Variants in SLC25A26 observed in about 807,000 individuals in gnomAD.
SLC25A26 encodes mitochondrial S-adenosylmethionine carrier protein.
Under a neutral mutation model 37.8 loss-of-function variants are expected in SLC25A26, and 36 were observed. The ratio of observed to expected loss-of-function variants is 0.95; its 90% CI spans 0.73 to 1.26. The LOEUF (loss-of-function observed/expected upper bound fraction) is 1.26. SLC25A26 is among the 50% of genes most tolerant of loss of function. The probability of loss-of-function intolerance (pLI) is 0.00; values close to 1 mark genes in which losing one functional copy is unlikely to be tolerated. For synonymous variants in SLC25A26, 129 were observed against 122.5 expected (o/e 1.05, Z -0.35); for missense variants, 390 against 331.1 (o/e 1.18, Z -1.38).
chr3:66,263,846 G>A (rs947315299), intron 5 of SLC25A26, among the ~76,000 whole-genome samples: 2 of 152,212 alleles, frequency 1.3e-5, no homozygotes, highest in Admixed American at 1.3e-4. Context: ...TTTTAGTAGA[G>A]ATGGGGTTTC....
At chr3:66,375,636 C>G (rs534794218) in intron 9 of SLC25A26, among the ~76,000 whole-genome samples, 3 of 152,276 alleles carry the variant, frequency 2.0e-5, no homozygotes, top group South Asian at 2.1e-4. Context: ...CAGCACATCT[C>G]TTTACAGCAT....
At chr3:66,290,980 C>A (rs935601039) in intron 5 of SLC25A26, among the ~76,000 whole-genome samples, 4 of 152,180 alleles carry the variant, frequency 2.6e-5, no homozygotes, top group African/African-American at 9.7e-5. Context: ...TAATTACTTC[C>A]TCAATTTCAG....
At chr3:66,327,302 A>G (rs2075862304) in intron 5 of SLC25A26, among the ~76,000 whole-genome samples, 1 of 152,214 alleles carries the variant, frequency 6.6e-6, no homozygotes, top group South Asian at 2.1e-4. Context: ...TTTAATATTC[A>G]AAATAATGTT....
Position 66,370,570 on chromosome 3 carries a change from G to A in SLC25A26, c.675G>A (p.Leu225=), listed in dbSNP as rs1288434202. ...CTGATGGGAATGTGCTCTCTGTCCT[G>A]CATGGGGTCTGGCGGTCACAGGGGC... ...STADGNVLSV[L]HGVWRSQGLA... The change falls in exon 9 of 10, where the codon CTG becomes CTA. Residue 225 remains leucine, a synonymous_variant. Coordinates refer to ENST00000354883, the MANE Select transcript of SLC25A26 (RefSeq NM_001379210.1). The A allele has an allele frequency of 1.2e-6, 2 of 1,613,930 alleles. No individual in the cohort carries two copies. Among genetic ancestry groups the A allele is most frequent in the African/African-American group, 1.3e-5 (1 of 75,062 alleles).
rs550113119 is a variant in SLC25A26, at chr3:66,378,661, A to C, written c.*854A>C. ...GAAAAATTCAAAACAAAATGTCAGG[A>C]ATCTAGCAGTGTTGTCTGCCCTGGA... On this transcript the variant is annotated 3_prime_UTR_variant, in exon 10 of 10. Coordinates refer to ENST00000354883, the MANE Select transcript of SLC25A26 (RefSeq NM_001379210.1). The C allele has an allele frequency of 6.6e-5, 10 of 152,594 alleles. No individual in the cohort carries two copies. The East Asian group carries it at 1.9e-3, about 29-fold the overall frequency. 9.5% of individuals were successfully genotyped at this position (152,594 alleles called of 1,614,324 possible).
intron 1 of SLC25A26, among the ~76,000 whole-genome samples, chr3:66,170,803 T>TG (rs2070485970): frequency 7.8e-6 from 1 of 127,528 alleles, no homozygotes; most frequent in Non-Finnish European, 1.7e-5. Flanking sequence ...TTTTTTTTTT[T>TG]TTTTTTTTTT....
chr3:66,286,340 A>G (rs2074511636), intron 5 of SLC25A26, among the ~76,000 whole-genome samples: 1 of 152,162 alleles, frequency 6.6e-6, no homozygotes, highest in South Asian at 2.1e-4. Context: ...TTACATTTAC[A>G]TCTATAATCC....
intron 7 of SLC25A26, 139 bp from the exon 8 acceptor site, chr3:66,369,339 G>A (rs551727367): frequency 1.3e-5 from 9 of 681,360 alleles, no homozygotes; most frequent in Middle Eastern, 2.6e-4. Flanking sequence ...GATAAAGATT[G>A]TGCATGTGTG....
At chr3:66,300,002 C>T (rs1049214524) in intron 5 of SLC25A26, among the ~76,000 whole-genome samples, 22 of 152,114 alleles carry the variant, frequency 1.4e-4, no homozygotes, top group African/African-American at 3.6e-4. Context: ...TTTCTTTGCA[C>T]GCAGCATCTG....
At chr3:66,192,253 T>G (rs1205594134) in intron 1 of SLC25A26, among the ~76,000 whole-genome samples, 29 of 146,154 alleles carry the variant, frequency 2.0e-4, no homozygotes, top group Non-Finnish European at 5.9e-5. Context: ...GAGGCGGAGG[T>G]TGCAGTGAGC....
chr3:66,217,400 C>A (rs1446355246), upstream of SLC25A26, among the ~76,000 whole-genome samples: 1 of 152,134 alleles, frequency 6.6e-6, no homozygotes, highest in African/African-American at 2.4e-5. Context: ...TATTCAGAAT[C>A]TCTAACTTAA....
At chr3:66,207,604 C>T (rs976581731) in intron 1 of SLC25A26, among the ~76,000 whole-genome samples, 1 of 152,102 alleles carries the variant, frequency 6.6e-6, no homozygotes, top group African/African-American at 2.4e-5. Context: ...AATTCCTGCC[C>T]AAAGTAACTG....
chr3:66,164,792 G>A (rs1342347444), intron 1 of SLC25A26, among the ~76,000 whole-genome samples: 1 of 152,120 alleles, frequency 6.6e-6, no homozygotes, highest in African/African-American at 2.4e-5. Flanking sequence ...TGGAGAAAGG[G>A]CTTTCTAACA....
At chr3:66,178,441 G>A (rs1300902242) in intron 1 of SLC25A26, among the ~76,000 whole-genome samples, 1 of 152,160 alleles carries the variant, frequency 6.6e-6, no homozygotes, top group Non-Finnish European at 1.5e-5. Flanking sequence ...AGCGTTTGGT[G>A]CACTTTTCGT....
intron 5 of SLC25A26, among the ~76,000 whole-genome samples, chr3:66,282,265 C>G (rs976071599): frequency 6.6e-6 from 1 of 152,270 alleles, no homozygotes; most frequent in East Asian, 1.9e-4. Context: ...CCCGCCTCGG[C>G]CTCCCAAAGT....
intron 6 of SLC25A26, among the ~76,000 whole-genome samples, chr3:66,357,593 C>A (rs2076605675): frequency 6.6e-6 from 1 of 151,976 alleles, no homozygotes; most frequent in Admixed American, 6.6e-5. Context: ...CCCTTAATGC[C>A]CCTCTCCTCC....
chr3:66,355,975 A>C (rs1216182483), intron 6 of SLC25A26: 10 of 454,770 alleles, frequency 2.2e-5, no homozygotes, highest in South Asian at 1.1e-4. Context: ...TTCTGTGCAC[A>C]TACTTATTTT....
Position 66,275,255 on chromosome 3 carries a change from TG to T in SLC25A26, c.453+11882del, listed in dbSNP as rs1367012849. Among the ~76,000 whole-genome samples, 7 of 76,548 alleles carry T rather than the reference TG, an allele frequency of 9.1e-5. No homozygotes were observed. In the Admixed American group the frequency reaches 1.4e-3, roughly 16 times the overall value. 50.2% of individuals were successfully genotyped at this position (76,548 alleles called of 152,430 possible). On this transcript the variant is annotated intron_variant, in intron 5 of 9. Transcript: ENST00000354883. ...ATCACACTCTGGGGATGTTGTGGGG[TG>T]GGGGGCGGGAGGAGGGATAGCATTA...
intron 5 of SLC25A26, among the ~76,000 whole-genome samples, chr3:66,329,622 T>A (rs1164394764): frequency 1.3e-5 from 2 of 152,340 alleles, no homozygotes; most frequent in Admixed American, 1.3e-4. Flanking sequence ...ATTTATTACA[T>A]TTTTAAATGT....
Sources: gnomAD v4.1 joint callset for allele counts (sites outside exome capture counted in the v4.1 genomes callset) on GRCh38, gnomAD v4.1.1 for gene constraint, MANE v1.5 for transcripts, NCBI Gene and HGNC (gene_info 2026-07-23, HGNC 2026-07-21) for gene names.